The following RABGAP1L variants were observed in gnomAD, a reference collection of about 807,000 sequenced individuals.
The protein encoded by RABGAP1L is RAB GTPase activating protein 1 like.
Under a neutral mutation model 137.7 loss-of-function variants are expected in RABGAP1L, and 63 were observed. The ratio of observed to expected loss-of-function variants is 0.46; its 90% CI spans 0.37 to 0.56. The LOEUF is 0.56. Ranked by LOEUF, RABGAP1L falls within the 20% of genes least tolerant of loss-of-function variation. The probability of loss-of-function intolerance (pLI) is 0.00; values close to 1 mark genes in which losing one functional copy is unlikely to be tolerated. For missense variants in RABGAP1L, 1,095 were observed against 1,244.0 expected (o/e 0.88, Z 1.80); for synonymous variants, 431 against 433.7 (o/e 0.99, Z 0.08).
intron 18 of RABGAP1L, among the ~76,000 whole-genome samples, chr1:174,753,219 A>C (rs1320537512): frequency 1.3e-5 from 2 of 152,248 alleles, no homozygotes; most frequent in Non-Finnish European, 2.9e-5. Context: ...TATAGTATCT[A>C]GAACATTTTA....
At chr1:174,345,186 T>G (rs1162817174) in intron 11 of RABGAP1L, among the ~76,000 whole-genome samples, 2 of 152,228 alleles carry the variant, frequency 1.3e-5, no homozygotes, top group Non-Finnish European at 2.9e-5. Context: ...TTTTGGTTGC[T>G]ATAGCTCTTT....
Position 174,850,658 on chromosome 1 carries a change from C to T in RABGAP1L, c.2340+38698C>T, listed in dbSNP as rs147849286. ...CCTCCCTTCCCCAAAGATGTCCCAC[C>T]GTAATTCCTGGAATCATGATGAATA... On this transcript the variant is annotated intron_variant, in intron 19 of 25. Transcript: ENST00000681986. Among the ~76,000 whole-genome samples, 18 of 152,218 alleles carry T rather than the reference C, an allele frequency of 1.2e-4. No homozygotes were observed. The South Asian group carries it at 3.3e-3, about 28-fold the overall frequency.
intron 13 of RABGAP1L, among the ~76,000 whole-genome samples, chr1:174,446,861 A>G (rs914623460): frequency 2.0e-5 from 3 of 152,260 alleles, no homozygotes; most frequent in African/African-American, 7.2e-5. Context: ...TAGAAAAGGT[A>G]TAGCAACATA....
intron 5 of RABGAP1L, among the ~76,000 whole-genome samples, chr1:174,247,888 G>C (rs1301680654): frequency 6.6e-6 from 1 of 152,050 alleles, no homozygotes; most frequent in Non-Finnish European, 1.5e-5. Flanking sequence ...TGTATGGGGA[G>C]CCGCTTTTTT....
intron 20 of RABGAP1L, among the ~76,000 whole-genome samples, chr1:174,962,194 A>ACTC (rs773567592): frequency 2.5e-5 from 1 of 40,452 alleles, no homozygotes; most frequent in African/African-American, 1.7e-4. Context: ...AAATAAAAAT[A>ACTC]CACCCCCCCC....
chr1:174,793,307 G>A lies in RABGAP1L; in HGVS notation c.2212-18525G>A, dbSNP rs1225013085. Among the ~76,000 whole-genome samples the A allele has an allele frequency of 7.9e-5, 12 of 152,218 alleles. No individual in the cohort carries two copies. The East Asian group carries it at 2.3e-3, about 29-fold the overall frequency. ...AGACTATTCAGAATGTTATTAAATT[G>A]CTTTTGGTAGGGGAAAGTTCTCCTT... On this transcript the variant is annotated intron_variant, in intron 18 of 25. Transcript: ENST00000681986.
chr1:174,566,513 A>G (rs1667598003), intron 13 of RABGAP1L, among the ~76,000 whole-genome samples: 1 of 152,094 alleles, frequency 6.6e-6, no homozygotes, highest in East Asian at 1.9e-4. Flanking sequence ...CCTGTTAGGC[A>G]AGGAACCATA....
chr1:174,173,077 A>T (rs1371927779), intron 1 of RABGAP1L, among the ~76,000 whole-genome samples: 1 of 151,976 alleles, frequency 6.6e-6, no homozygotes, highest in Non-Finnish European at 1.5e-5. Context: ...ATATATAATT[A>T]TCTGAGTAAG....
chr1:174,963,094 G>A (rs1388353384), intron 20 of RABGAP1L, among the ~76,000 whole-genome samples: 3 of 149,162 alleles, frequency 2.0e-5, no homozygotes, highest in South Asian at 2.1e-4. Context: ...GCAAGACTCC[G>A]TCTCAAAAAA....
At chr1:174,784,008 CTTCTTTTTTTTTTTTTTT>C (rs1250082811) in intron 18 of RABGAP1L, among the ~76,000 whole-genome samples, 1 of 111,182 alleles carries the variant, frequency 9.0e-6, no homozygotes, top group African/African-American at 3.7e-5. Context: ...TCTTCTTCTT[CTTCTTTTTTTTTTTTTTT>C]TTTTTTTTTT....
rs560686046 is a variant in RABGAP1L, at chr1:174,314,975, A to T, written c.1465+9848A>T. 3.3e-5 allele frequency among the ~76,000 whole-genome samples: 5 copies of T among 152,280 alleles called. No individual in the cohort carries two copies. The East Asian group carries it at 7.7e-4, about 23-fold the overall frequency. On this transcript the variant is annotated intron_variant, in intron 11 of 25. Coordinates refer to ENST00000681986, the MANE Select transcript of RABGAP1L (RefSeq NM_001366446.1). ...AGAATATGTATTCTGCAGCCATTGG[A>T]TGAAATATTCTGTAAATATCTATGA...
chr1:174,346,206 CT>C (rs1558150277), intron 11 of RABGAP1L, among the ~76,000 whole-genome samples: 2 of 152,100 alleles, frequency 1.3e-5, no homozygotes, highest in African/African-American at 4.8e-5. Context: ...CTATAATTTT[CT>C]TTTTTAAATG....
intron 11 of RABGAP1L, among the ~76,000 whole-genome samples, chr1:174,349,292 C>A (rs1682802006): frequency 7.8e-6 from 1 of 128,316 alleles, no homozygotes; most frequent in Non-Finnish European, 1.7e-5. Flanking sequence ...CCTCACTTCC[C>A]AGTAGGGGCG....
At chr1:174,284,734 C>CTTT (rs59344382) in intron 10 of RABGAP1L, among the ~76,000 whole-genome samples, 31 of 42,610 alleles carry the variant, frequency 7.3e-4, no homozygotes, top group Non-Finnish European at 1.1e-3. Context: ...TATTTCTTGT[C>CTTT]TTTTTTTTTT....
chr1:174,616,407 T>G (rs1161387008), intron 13 of RABGAP1L, among the ~76,000 whole-genome samples: 1 of 152,218 alleles, frequency 6.6e-6, no homozygotes, highest in Non-Finnish European at 1.5e-5. Flanking sequence ...TCTTGGGGAA[T>G]AGATGGTTAC....
At chr1:174,708,403 T>C (rs1680211489) in intron 17 of RABGAP1L, among the ~76,000 whole-genome samples, 2 of 152,126 alleles carry the variant, frequency 1.3e-5, no homozygotes, top group Admixed American at 6.5e-5. Flanking sequence ...ATGAGACCAA[T>C]GCAGAGGGTG....
At chr1:174,882,349 T>C (rs1654373108) in intron 19 of RABGAP1L, among the ~76,000 whole-genome samples, 1 of 152,208 alleles carries the variant, frequency 6.6e-6, no homozygotes, top group Admixed American at 6.5e-5. Context: ...TTCTCAGGTG[T>C]GGATACTGCA....
At position 174,618,492 on chromosome 1, in the gene RABGAP1L, G is replaced by A. The variant is rs1051793459; in HGVS notation, c.1711-18883G>A. On this transcript the variant is annotated intron_variant, in intron 13 of 25. Coordinates refer to ENST00000681986, the MANE Select transcript of RABGAP1L (RefSeq NM_001366446.1). ...CAACATTTGCTGTTCACCAATATCT[G>A]CTGTTCTGCAGCCACCACTGCTGAT... Among the ~76,000 whole-genome samples, 3 of 152,180 alleles carry A rather than the reference G, an allele frequency of 2.0e-5. No individual in the cohort carries two copies. In the East Asian group the frequency reaches 5.8e-4, roughly 29 times the overall value.
chr1:174,185,968 A>G (rs565017771), intron 1 of RABGAP1L, among the ~76,000 whole-genome samples: 3 of 152,048 alleles, frequency 2.0e-5, no homozygotes, highest in African/African-American at 7.2e-5. Flanking sequence ...ACATGGAGAA[A>G]CCCCGTCTTT....
Sources: allele counts gnomAD v4.1 joint callset (sites outside exome capture counted in the v4.1 genomes callset), GRCh38; gene constraint gnomAD v4.1.1; transcripts MANE v1.5; gene names NCBI Gene and HGNC (gene_info 2026-07-23, HGNC 2026-07-21).